The following RAB38 variants were observed in gnomAD, a reference collection of about 807,000 sequenced individuals.
RAB38 encodes ras-related protein Rab-38.
RAB38 carries 15 observed loss-of-function variants against 18.4 expected under a neutral mutation model. That is an observed-to-expected ratio of 0.82 (90% CI 0.55 to 1.26). The LOEUF (loss-of-function observed/expected upper bound fraction) is 1.26. Ranked by LOEUF, RAB38 falls within the 50% of genes most tolerant of loss-of-function variation. The pLI is 0.00. For synonymous variants in RAB38, 101 were observed against 104.4 expected (o/e 0.97, Z 0.20); for missense variants, 294 against 267.4 (o/e 1.10, Z -0.69).
the RAB38 span, among the ~76,000 whole-genome samples, chr11:87,808,071 CT>C: frequency 1.3e-5 from 2 of 152,134 alleles, no homozygotes; most frequent in Non-Finnish European, 2.9e-5. Flanking sequence ...ATGGACAAAC[CT>C]TAATTTGGTA....
the RAB38 span, among the ~76,000 whole-genome samples, chr11:87,887,422 A>G: frequency 6.8e-6 from 1 of 146,366 alleles, no homozygotes; most frequent in Non-Finnish European, 1.5e-5. Context: ...AGAGTGCTGG[A>G]TCTCTGGTGT....
chr11:88,121,960 G>T, intron 2 of RAB38, among the ~76,000 whole-genome samples: 1 of 152,144 alleles, frequency 6.6e-6, no homozygotes. Context: ...TTTCTAAATC[G>T]CAAAAGTTAC....
the RAB38 span, among the ~76,000 whole-genome samples, chr11:87,915,613 C>T: frequency 1.3e-5 from 2 of 152,112 alleles, no homozygotes; most frequent in Non-Finnish European, 2.9e-5. Context: ...GGAAAACTCA[C>T]AAATAATCCA....
chr11:87,939,149 A>C, the RAB38 span, among the ~76,000 whole-genome samples: 1 of 152,094 alleles, frequency 6.6e-6, no homozygotes, highest in Admixed American at 6.6e-5. Flanking sequence ...CTCCCCCATT[A>C]GAGCTCCCAT....
At chr11:87,906,571 C>G in the RAB38 span, among the ~76,000 whole-genome samples, 68 of 151,924 alleles carry the variant, frequency 4.5e-4, 1 homozygote, top group East Asian at 0.012. Flanking sequence ...TACAGTGATG[C>G]TTAGAAAGTA....
the RAB38 span, among the ~76,000 whole-genome samples, chr11:88,034,856 T>C: frequency 6.6e-6 from 1 of 152,382 alleles, no homozygotes. Context: ...TATGTTAGTA[T>C]ACACATGAGA....
chr11:88,077,886 T>C, the RAB38 span, among the ~76,000 whole-genome samples: 2 of 152,010 alleles, frequency 1.3e-5, no homozygotes, highest in African/African-American at 4.8e-5. Context: ...GGGGAAGATA[T>C]TTGCAACTAT....
chr11:88,052,069 G>A, the RAB38 span, among the ~76,000 whole-genome samples: 1 of 152,170 alleles, frequency 6.6e-6, no homozygotes, highest in Non-Finnish European at 1.5e-5. Context: ...GTTGCAGTGA[G>A]CTAAGATTGC....
chr11:88,024,396 G>A, the RAB38 span, among the ~76,000 whole-genome samples: 1 of 151,994 alleles, frequency 6.6e-6, no homozygotes, highest in South Asian at 2.1e-4. Flanking sequence ...CAAATGCTGG[G>A]GAAGATATGG....
chr11:88,167,269 G>C (rs957946629), intron 1 of RAB38: 3 of 152,070 alleles, frequency 2.0e-5, no homozygotes, highest in African/African-American at 7.2e-5. Flanking sequence ...AGGTATACTG[G>C]GGCCACTGTA....
the RAB38 span, among the ~76,000 whole-genome samples, chr11:87,823,211 T>C: frequency 6.6e-6 from 1 of 152,190 alleles, no homozygotes; most frequent in African/African-American, 2.4e-5. Flanking sequence ...ATTTACAAAA[T>C]ATGTGATACT....
chr11:87,851,697 G>T, the RAB38 span, among the ~76,000 whole-genome samples: 7 of 152,282 alleles, frequency 4.6e-5, no homozygotes, highest in South Asian at 1.5e-3. Context: ...TGAAGTTGTT[G>T]TATCTCTTTG....
At chr11:88,067,312 C>G in the RAB38 span, among the ~76,000 whole-genome samples, 1 of 148,712 alleles carries the variant, frequency 6.7e-6, no homozygotes. Context: ...TCATAATACT[C>G]TAAGATATTT....
intron 1 of RAB38, 90 bp downstream of exon 1, chr11:88,175,093 A>C: frequency 7.3e-7 from 1 of 1,377,096 alleles, no homozygotes; most frequent in Non-Finnish European, 9.7e-7. Context: ...TAGTGATTTT[A>C]ATCTCACGCT....
At chr11:88,094,956 C>T in the RAB38 span, among the ~76,000 whole-genome samples, 1 of 151,814 alleles carries the variant, frequency 6.6e-6, no homozygotes, top group Non-Finnish European at 1.5e-5. Context: ...AAAAGCAATA[C>T]ACTGCCTTCC....
chr11:87,878,003 G>A, the RAB38 span, among the ~76,000 whole-genome samples: 1 of 150,820 alleles, frequency 6.6e-6, no homozygotes, highest in South Asian at 2.1e-4. Flanking sequence ...AAGCAAATAA[G>A]TATTAATATT....
At chr11:87,859,664 G>C in the RAB38 span, among the ~76,000 whole-genome samples, 1 of 152,044 alleles carries the variant, frequency 6.6e-6, no homozygotes, top group Non-Finnish European at 1.5e-5. Context: ...GCAGCAAAAG[G>C]AAATTTACTG....
the RAB38 span, chr11:88,050,056 A>G: frequency 6.6e-6 from 1 of 152,210 alleles, no homozygotes; most frequent in Non-Finnish European, 1.5e-5. Flanking sequence ...AAAAATCCTG[A>G]GCTACATTCT....
At chr11:88,004,050 G>T in the RAB38 span, among the ~76,000 whole-genome samples, 1 of 139,168 alleles carries the variant, frequency 7.2e-6, no homozygotes, top group African/African-American at 2.6e-5. Flanking sequence ...TATGGGAGAA[G>T]GTATATATAT....
Sources: gnomAD v4.1 joint callset for allele counts (sites outside exome capture counted in the v4.1 genomes callset) on GRCh38, gnomAD v4.1.1 for gene constraint, MANE v1.5 for transcripts, NCBI Gene and HGNC (gene_info 2026-07-23, HGNC 2026-07-21) for gene names.